Variants in SMIM41 observed in about 807,000 individuals in gnomAD.
SMIM41 encodes the protein small integral membrane protein 41.
rs184469845 is a variant in SMIM41, at chr12:52,090,551, C to T, written c.*195+6583C>T. 2.0e-4 allele frequency among the ~76,000 whole-genome samples: 31 copies of T among 152,218 alleles called. 1 individual carries two copies. The East Asian group carries it at 2.1e-3, about 10-fold the overall frequency. On this transcript the variant is annotated intron_variant, in intron 2 of 2. Coordinates refer to ENST00000546390, the MANE Select transcript of SMIM41 (RefSeq NM_001369216.1). ...GGGGAGGCCCAGGGAGCTGCGGCTG[C>T]GGTGAGTGAGCAGGGAGTACCGATG...
intron 2 of SMIM41, among the ~76,000 whole-genome samples, chr12:52,103,418 G>A (rs1290279312): frequency 2.0e-5 from 3 of 149,536 alleles, no homozygotes; most frequent in Non-Finnish European, 4.4e-5. Context: ...GCTGCAACAT[G>A]GATGAACCTT....
intron 2 of SMIM41, among the ~76,000 whole-genome samples, chr12:52,088,575 C>G (rs992773971): frequency 6.6e-6 from 1 of 152,204 alleles, no homozygotes; most frequent in African/African-American, 2.4e-5. Context: ...CCCGATTCCC[C>G]TCCACAGCCA....
At chr12:52,099,709 A>G (rs1426067245) in intron 2 of SMIM41, among the ~76,000 whole-genome samples, 1 of 151,938 alleles carries the variant, frequency 6.6e-6, no homozygotes, top group Non-Finnish European at 1.5e-5. Context: ...TTCTTTGCCC[A>G]CCTGGATATT....
intron 2 of SMIM41, among the ~76,000 whole-genome samples, chr12:52,097,425 C>A (rs1313486369): frequency 2.0e-5 from 3 of 152,004 alleles, no homozygotes; most frequent in Non-Finnish European, 4.4e-5. Context: ...ACCTACCCCC[C>A]TTCCCCATGG....
chr12:52,094,850 C>T (rs1192044681), intron 2 of SMIM41: 3 of 152,136 alleles, frequency 2.0e-5, no homozygotes, highest in Non-Finnish European at 4.4e-5. Flanking sequence ...TGATGAACTT[C>T]TGCTATAATA....
rs1205628962 is a variant in SMIM41 at position 52,107,470 on chromosome 12, C to T, written c.*287C>T. On this transcript the variant is annotated 3_prime_UTR_variant, in exon 3 of 3. Transcript: ENST00000546390. ...GGTGCTGGGGAACCTGCTCATCATC[C>T]GGCCATGAGCCCTGACTCCCACCTC... 8 of 635,070 alleles carry T rather than the reference C, an allele frequency of 1.3e-5. No individual in the cohort carries two copies. The highest frequency in any genetic ancestry group is 5.5e-5 in the African/African-American group (3 of 54,464). 39.3% of individuals were successfully genotyped at this position (635,070 alleles called of 1,614,324 possible).
chr12:52,091,063 G>A (rs1220526558), intron 2 of SMIM41, among the ~76,000 whole-genome samples: 1 of 152,166 alleles, frequency 6.6e-6, no homozygotes, highest in Non-Finnish European at 1.5e-5. Context: ...CCAGGCTGGA[G>A]TGCAGTGGCA....
At chr12:52,095,278 C>T (rs1187844498) in intron 2 of SMIM41, among the ~76,000 whole-genome samples, 12 of 151,620 alleles carry the variant, frequency 7.9e-5, no homozygotes, top group Non-Finnish European at 1.6e-4. Context: ...TAACATCTCC[C>T]CCCTCTCCCC....
intron 2 of SMIM41, among the ~76,000 whole-genome samples, chr12:52,100,271 G>A (rs1419665651): frequency 6.6e-6 from 1 of 151,792 alleles, no homozygotes; most frequent in African/African-American, 2.4e-5. Flanking sequence ...TCCCAGGGGG[G>A]TGTCCACCCT....
Position 52,097,348 on chromosome 12 carries a change from AC to A in SMIM41, c.*196-10022del, listed in dbSNP as rs150409162. Reference sequence around the variant, plus strand: ...CCCCCACGATGCGGGGAGAAATATCACCCCCCCCCGGATATTACGAGCCACA... The same window carrying A: ...CCCCCACGATGCGGGGAGAAATATCACCCCCCCCGGATATTACGAGCCACA... On this transcript the variant is annotated intron_variant, in intron 2 of 2. Coordinates refer to ENST00000546390, the MANE Select transcript of SMIM41 (RefSeq NM_001369216.1). Among the ~76,000 whole-genome samples, 956 of 141,130 alleles carry A rather than the reference AC, an allele frequency of 6.8e-3. 13 individuals carry two copies. Among genetic ancestry groups the A allele is most frequent in the African/African-American group, 0.023 (870 of 37,726 alleles). The allele number at this position is 141,130 out of a possible 152,430, so 92.6% of individuals were successfully genotyped here.
At position 52,107,436 on chromosome 12, in the gene SMIM41, C is replaced by T; in HGVS notation, c.*253C>T. 1 of 587,646 alleles carries T rather than the reference C, an allele frequency of 1.7e-6. No homozygotes were observed. The highest frequency in any genetic ancestry group is 3.4e-6 in the Non-Finnish European group (1 of 298,132). 36.4% of individuals were successfully genotyped at this position (587,646 alleles called of 1,614,324 possible). A position where few individuals can be genotyped will look rare whatever the true frequency, so the allele number is the denominator to read the frequency against. On this transcript the variant is annotated 3_prime_UTR_variant, in exon 3 of 3. Transcript: ENST00000546390. ...TTGCTGGACTGTTCCTGTCCATGTG[C>T]CTGGTCATGGTGCTGGGGAACCTGC...
intron 2 of SMIM41, chr12:52,092,588 C>T (rs1340668480): frequency 2.6e-5 from 4 of 152,148 alleles, no homozygotes; most frequent in Non-Finnish European, 5.9e-5. Flanking sequence ...GCAGATTTGG[C>T]CAAATAATTC....
chr12:52,088,989 C>A (rs1014049936), intron 2 of SMIM41, among the ~76,000 whole-genome samples: 1 of 151,900 alleles, frequency 6.6e-6, no homozygotes, highest in Admixed American at 6.6e-5. Flanking sequence ...AGGCTCCAAC[C>A]ATTCACCCCT....
At chr12:52,082,173 C>T (rs956449502) in intron 1 of SMIM41, 6 of 152,218 alleles carry the variant, frequency 3.9e-5, no homozygotes, top group South Asian at 4.1e-4. Context: ...AATAAACATC[C>T]GTGGAAAAAA....
At chr12:52,092,651 A>G (rs1940024512) in intron 2 of SMIM41, 1 of 152,202 alleles carries the variant, frequency 6.6e-6, no homozygotes, top group Non-Finnish European at 1.5e-5. Context: ...CCATTCCAAC[A>G]TTCATGCTTT....
chr12:52,090,790 G>T (rs538131811), intron 2 of SMIM41, among the ~76,000 whole-genome samples: 43 of 152,324 alleles, frequency 2.8e-4, no homozygotes, highest in African/African-American at 1.0e-3. Context: ...TCCATAGGTG[G>T]TTGGAAATGC....
intron 1 of SMIM41, among the ~76,000 whole-genome samples, 185 bp downstream of exon 1, chr12:52,080,366 C>CG (rs1939800044): frequency 6.6e-6 from 1 of 152,142 alleles, no homozygotes; most frequent in Non-Finnish European, 1.5e-5. Flanking sequence ...CCCAGGTGTG[C>CG]GGGATCAGGA....
intron 1 of SMIM41, among the ~76,000 whole-genome samples, chr12:52,082,395 C>G (rs2120647184): frequency 6.6e-6 from 1 of 152,034 alleles, no homozygotes; most frequent in Non-Finnish European, 1.5e-5. Context: ...CAACTTCCTC[C>G]CGTTGCTGTT....
chr12:52,106,777 T>C (rs1192432153), intron 2 of SMIM41, among the ~76,000 whole-genome samples: 1 of 152,242 alleles, frequency 6.6e-6, no homozygotes, highest in Non-Finnish European at 1.5e-5. Flanking sequence ...AACATAATGA[T>C]GAAATCACTA....
Sources: allele counts gnomAD v4.1 joint callset (sites outside exome capture counted in the v4.1 genomes callset), GRCh38; gene constraint gnomAD v4.1.1; transcripts MANE v1.5; gene names NCBI Gene and HGNC (gene_info 2026-07-23, HGNC 2026-07-21).